The following CA10 variants were observed in gnomAD, a reference collection of about 807,000 sequenced individuals.
CA10 encodes the protein carbonic anhydrase 10 (inactive).
In CA10, 14 loss-of-function variants were observed where a neutral mutation model predicts 44.2. The observed-to-expected ratio is 0.32, with a 90% CI of 0.21 to 0.50. The LOEUF is 0.50. Ranked by LOEUF, CA10 falls within the 20% of genes least tolerant of loss-of-function variation. The pLI is 0.99. For missense variants in CA10, 350 were observed against 409.7 expected (o/e 0.85, Z 1.26); for synonymous variants, 159 against 141.6 (o/e 1.12, Z -0.87).
At chr17:51,934,113 C>T (rs1293767739) in intron 2 of CA10, among the ~76,000 whole-genome samples, 1 of 152,110 alleles carries the variant, frequency 6.6e-6, no homozygotes, top group African/African-American at 2.4e-5. Context: ...CTCATTGGCT[C>T]CAGCCCTGAA....
intron 3 of CA10, among the ~76,000 whole-genome samples, chr17:51,878,920 G>A (rs959313377): frequency 3.9e-5 from 5 of 127,764 alleles, no homozygotes; most frequent in African/African-American, 1.5e-4. Context: ...GTGTATGTGT[G>A]TATGTGTGTT....
intron 3 of CA10, among the ~76,000 whole-genome samples, chr17:51,849,203 ATG>A (rs1479077500): frequency 2.3e-5 from 1 of 43,272 alleles, no homozygotes; most frequent in African/African-American, 1.1e-4. Context: ...ATATACATAT[ATG>A]TATATATATA....
chr17:52,080,191 G>A (rs1158403440), intron 1 of CA10, among the ~76,000 whole-genome samples: 1 of 152,102 alleles, frequency 6.6e-6, no homozygotes, highest in Non-Finnish European at 1.5e-5. Context: ...AGTGGCTCAC[G>A]CCACTAATCC....
At chr17:51,641,322 G>T (rs918782760) in intron 6 of CA10, among the ~76,000 whole-genome samples, 1 of 152,112 alleles carries the variant, frequency 6.6e-6, no homozygotes, top group Non-Finnish European at 1.5e-5. Flanking sequence ...TCATGGAAAA[G>T]AATGTAACCT....
intron 4 of CA10, among the ~76,000 whole-genome samples, chr17:51,688,366 G>T (rs1046544651): frequency 6.6e-6 from 1 of 152,140 alleles, no homozygotes; most frequent in Non-Finnish European, 1.5e-5. Context: ...TGCAGCAATG[G>T]ATAACTAATA....
At chr17:52,143,959 T>C (rs371943030) in intron 1 of CA10, among the ~76,000 whole-genome samples, 2 of 152,230 alleles carry the variant, frequency 1.3e-5, no homozygotes, top group African/African-American at 4.8e-5. Context: ...TTCCCTTTTA[T>C]GCCTTTTGCT....
intron 1 of CA10, among the ~76,000 whole-genome samples, chr17:52,130,362 C>T (rs1989208914): frequency 2.0e-5 from 3 of 152,280 alleles, no homozygotes; most frequent in Admixed American, 2.0e-4. Context: ...CTCATGTTTA[C>T]TGCAGCACTG....
intron 1 of CA10, among the ~76,000 whole-genome samples, chr17:52,135,533 T>C (rs535467252): frequency 6.6e-5 from 10 of 152,124 alleles, no homozygotes; most frequent in Non-Finnish European, 1.5e-4. Context: ...ACTCCTCCTA[T>C]AGCTTATTAA....
rs1360217371 is a variant in CA10, at chr17:52,023,547, A to G, written c.136+48772T>C. ...AAACCTAAGAAATACCCTAATGGAC[A>G]TGGCCTTAGCAAAGAATTTTGACTA... On this transcript the variant is annotated intron_variant, in intron 2 of 8. Transcript: ENST00000451037. Among the ~76,000 whole-genome samples, 4 of 152,156 alleles carry G rather than the reference A, an allele frequency of 2.6e-5. No individual in the cohort carries two copies. In the East Asian group the frequency reaches 7.7e-4, roughly 29 times the overall value.
Position 51,726,462 on chromosome 17 carries a change from A to G in CA10, c.465+21171T>C, listed in dbSNP as rs74255106. Among the ~76,000 whole-genome samples, 9 of 152,348 alleles carry G rather than the reference A, an allele frequency of 5.9e-5. No individual in the cohort carries two copies. In the East Asian group the frequency reaches 7.7e-4, roughly 13 times the overall value. ...TAAGTATTCTCACCACAAGAAAACGATAAGTGTGCAAGATGATGTACGTGT... is the reference window on the plus strand; with the variant it reads ...TAAGTATTCTCACCACAAGAAAACGGTAAGTGTGCAAGATGATGTACGTGT... On this transcript the variant is annotated intron_variant, in intron 4 of 8. Coordinates refer to ENST00000451037, the MANE Select transcript of CA10 (RefSeq NM_020178.5).
chr17:51,925,267 G>T (rs1305449008), intron 3 of CA10, among the ~76,000 whole-genome samples: 1 of 152,072 alleles, frequency 6.6e-6, no homozygotes, highest in African/African-American at 2.4e-5. Flanking sequence ...CTTCTCAGAG[G>T]TTTCAAGATC....
intron 2 of CA10, among the ~76,000 whole-genome samples, chr17:51,963,890 C>A (rs1983984753): frequency 1.3e-5 from 2 of 152,046 alleles, no homozygotes; most frequent in African/African-American, 4.8e-5. Flanking sequence ...AACAACTTCA[C>A]AATAGGATAA....
chr17:52,014,048 T>G (rs532765952), intron 2 of CA10, among the ~76,000 whole-genome samples: 1 of 152,068 alleles, frequency 6.6e-6, no homozygotes, highest in South Asian at 2.1e-4. Flanking sequence ...GGTGGAAGTA[T>G]GACCAAATAT....
At chr17:51,823,697 T>C (rs898828381) in intron 3 of CA10, among the ~76,000 whole-genome samples, 1 of 152,204 alleles carries the variant, frequency 6.6e-6, no homozygotes, top group Non-Finnish European at 1.5e-5. Context: ...CAGTTAGTGC[T>C]CTTAGTGGTA....
At chr17:51,694,115 A>G (rs1915316887) in intron 4 of CA10, among the ~76,000 whole-genome samples, 1 of 152,046 alleles carries the variant, frequency 6.6e-6, no homozygotes, top group Admixed American at 6.6e-5. Context: ...GAGGCAGGAG[A>G]ATCGCTTGAA....
chr17:51,990,981 G>A (rs1985018534), intron 2 of CA10, among the ~76,000 whole-genome samples: 1 of 152,078 alleles, frequency 6.6e-6, no homozygotes, highest in Non-Finnish European at 1.5e-5. Flanking sequence ...AGACGACCAT[G>A]GTGTGCATAT....
At chr17:51,955,474 A>C (rs941493002) in intron 2 of CA10, among the ~76,000 whole-genome samples, 3 of 152,136 alleles carry the variant, frequency 2.0e-5, no homozygotes, top group African/African-American at 7.2e-5. Flanking sequence ...CCACCGTGGC[A>C]ACTTGCCACT....
intron 3 of CA10, among the ~76,000 whole-genome samples, chr17:51,802,592 C>G (rs765542164): frequency 3.0e-5 from 4 of 133,296 alleles, no homozygotes; most frequent in African/African-American, 1.2e-4. Flanking sequence ...AAAAAAACAA[C>G]CAGAAGCACT....
At chr17:52,130,663 A>G (rs1042939066) in intron 1 of CA10, among the ~76,000 whole-genome samples, 1 of 152,072 alleles carries the variant, frequency 6.6e-6, no homozygotes, top group Non-Finnish European at 1.5e-5. Context: ...GGTTGGGGAG[A>G]TGGCGGTCAA....
Sources: allele counts gnomAD v4.1 joint callset (sites outside exome capture counted in the v4.1 genomes callset), GRCh38; gene constraint gnomAD v4.1.1; transcripts MANE v1.5; gene names NCBI Gene and HGNC (gene_info 2026-07-23, HGNC 2026-07-21).